Variants in IQGAP2 observed in about 807,000 individuals in gnomAD.
IQGAP2 encodes the protein IQ motif containing GTPase activating protein 2.
A neutral mutation model predicts 201.3 loss-of-function variants in IQGAP2; 173 were observed. The observed-to-expected ratio is 0.86, with a 90% CI of 0.76 to 0.98. IQGAP2 has a LOEUF of 0.98. Ranked by LOEUF, IQGAP2 falls within the 50% of genes least tolerant of loss-of-function variation. The pLI is 0.00. For synonymous variants in IQGAP2, 675 were observed against 673.9 expected, an observed-to-expected ratio of 1.00 and a Z score of -0.03; for missense variants, 1,687 against 1,864.8, an observed-to-expected ratio of 0.90 and a Z score of 1.76.
In IQGAP2 at chr5:76,708,079, A is replaced by G. The variant is rs1748059575; in HGVS notation, c.*766A>G. On this transcript the variant is annotated 3_prime_UTR_variant, in exon 36 of 36. Transcript: ENST00000274364. ...AAATCAGTATCTAGATGGTTTTTAA[A>G]TGTATTCTCTGGAAATTGTTTTATG... is the stretch of plus-strand genomic sequence containing the variant. 1 of 152,046 alleles carries G rather than the reference A, an allele frequency of 6.6e-6. No individual in the cohort carries two copies. Among genetic ancestry groups the G allele is most frequent in the African/African-American group, 2.4e-5 (1 of 41,124 alleles). The allele number at this position is 152,046 out of a possible 1,614,324, so 9.4% of individuals were successfully genotyped here.
intron 30 of IQGAP2, among the ~76,000 whole-genome samples, chr5:76,688,109 C>G (rs1488153383): frequency 1.3e-5 from 2 of 152,132 alleles, no homozygotes; most frequent in African/African-American, 4.8e-5. Context: ...ATTTGTAACT[C>G]AAGCATAAGA....
chr5:76,473,711 G>A (rs1449085713), intron 2 of IQGAP2, among the ~76,000 whole-genome samples: 1 of 152,148 alleles, frequency 6.6e-6, no homozygotes, highest in African/African-American at 2.4e-5. Context: ...GAAAATTTTG[G>A]TGCATCTTTA....
chr5:76,425,644 A>G (rs996211653), intron 1 of IQGAP2, among the ~76,000 whole-genome samples: 5 of 152,304 alleles, frequency 3.3e-5, no homozygotes, highest in African/African-American at 1.2e-4. Flanking sequence ...GCAAAAGAAA[A>G]AAAAACCCAC....
chr5:76,544,399 C>A (rs111332411), intron 2 of IQGAP2, among the ~76,000 whole-genome samples: 2,865 of 152,246 alleles, frequency 0.019, 94 homozygotes, highest in African/African-American at 0.065. Context: ...CAGTTCCCAG[C>A]CGACTTGGGG....
chr5:76,458,522 A>G (rs1754230221), intron 1 of IQGAP2, among the ~76,000 whole-genome samples: 2 of 152,170 alleles, frequency 1.3e-5, no homozygotes, highest in Non-Finnish European at 2.9e-5. Context: ...TAGACTTACA[A>G]TTTGACAGTA....
At chr5:76,678,683 C>T (rs781003902) in intron 28 of IQGAP2, among the ~76,000 whole-genome samples, 1 of 152,164 alleles carries the variant, frequency 6.6e-6, no homozygotes, top group African/African-American at 2.4e-5. Flanking sequence ...TAAGGATGCA[C>T]CCAACTTTGG....
intron 17 of IQGAP2, among the ~76,000 whole-genome samples, chr5:76,648,996 A>G (rs1484612159): frequency 2.0e-5 from 3 of 152,268 alleles, no homozygotes; most frequent in Non-Finnish European, 4.4e-5. Context: ...AGTACTTGAA[A>G]TAAAAGTGGA....
At chr5:76,682,958 A>G (rs1352201006) in intron 28 of IQGAP2, among the ~76,000 whole-genome samples, 157 bp from the exon 29 acceptor site, 1 of 152,208 alleles carries the variant, frequency 6.6e-6, no homozygotes. Flanking sequence ...TCTGAGATAC[A>G]ATAAAAACTG....
chr5:76,461,386 A>C (rs1440367120), intron 1 of IQGAP2, among the ~76,000 whole-genome samples, 184 bp from the exon 2 acceptor site: 2 of 151,852 alleles, frequency 1.3e-5, no homozygotes, highest in African/African-American at 4.8e-5. Flanking sequence ...AAAAAATAAA[A>C]ATAAAGGAAA....
chr5:76,405,207 T>C (rs1017350440), intron 1 of IQGAP2, among the ~76,000 whole-genome samples: 1 of 152,236 alleles, frequency 6.6e-6, no homozygotes, highest in Non-Finnish European at 1.5e-5. Flanking sequence ...TGTCAGTCCC[T>C]GCATGTGCAT....
chr5:76,508,700 GTT>G (rs1039460750), intron 2 of IQGAP2, among the ~76,000 whole-genome samples: 3 of 142,632 alleles, frequency 2.1e-5, no homozygotes. Flanking sequence ...GTTTTGTTTT[GTT>G]TTTTTTTTTT....
At chr5:76,510,573 T>A (rs1316862176) in intron 2 of IQGAP2, 1 of 470,692 alleles carries the variant, frequency 2.1e-6, no homozygotes, top group Non-Finnish European at 4.3e-6. Flanking sequence ...ATGGACACGA[T>A]CTGGAAGGAC....
chr5:76,505,110 C>T (rs563004258), intron 2 of IQGAP2, among the ~76,000 whole-genome samples: 1 of 152,282 alleles, frequency 6.6e-6, no homozygotes, highest in East Asian at 1.9e-4. Context: ...CTGTATGGCA[C>T]CCTCACTAGA....
At chr5:76,582,803 CTAT>C in intron 5 of IQGAP2, among the ~76,000 whole-genome samples, 3 of 152,204 alleles carry the variant, frequency 2.0e-5, no homozygotes, top group Middle Eastern at 6.8e-3. Context: ...ACTACTACTA[CTAT>C]ATACTACTTT....
chr5:76,433,977 C>T (rs1752517440), intron 1 of IQGAP2, among the ~76,000 whole-genome samples: 1 of 152,170 alleles, frequency 6.6e-6, no homozygotes, highest in South Asian at 2.1e-4. Flanking sequence ...TAAATAACAT[C>T]CTTCCAATCA....
At position 76,655,447 on chromosome 5, in the gene IQGAP2, TTTTG is replaced by T. The variant is rs199701667; in HGVS notation, c.2320+452_2320+455del. Reference sequence around the variant, plus strand: ...AACTTTTCACAGAATAATTTTTAATTTTTGTTTGTTTTTGTTTTGAGACAGAGTC... The same window carrying T: ...AACTTTTCACAGAATAATTTTTAATTTTTGTTTTTGTTTTGAGACAGAGTC... On this transcript the variant is annotated intron_variant, in intron 20 of 35. Transcript: ENST00000274364. Among the ~76,000 whole-genome samples the T allele has an allele frequency of 9.5e-3, 1,452 of 152,270 alleles. 22 individuals carry two copies. The highest frequency in any genetic ancestry group is 0.033 in the African/African-American group (1,354 of 41,538).
intron 1 of IQGAP2, among the ~76,000 whole-genome samples, chr5:76,419,589 C>T (rs1376939115): frequency 2.0e-5 from 3 of 152,174 alleles, no homozygotes; most frequent in Non-Finnish European, 2.9e-5. Flanking sequence ...CCCCCCACCT[C>T]GGCCTCCTAA....
At position 76,707,350 on chromosome 5, in the gene IQGAP2, G is replaced by T; in HGVS notation, c.*37G>T. The T allele has an allele frequency of 1.1e-6, 1 of 876,732 alleles. No homozygotes were observed. The highest frequency in any genetic ancestry group is 1.4e-5 in the South Asian group (1 of 71,538). 54.3% of individuals were successfully genotyped at this position (876,732 alleles called of 1,614,324 possible). ...AAATTTCTTGGATTCTGTATCATCTGGATTAGGAAATGAATTTGTTTAATA... is the reference window on the plus strand; with the variant it reads ...AAATTTCTTGGATTCTGTATCATCTTGATTAGGAAATGAATTTGTTTAATA... On this transcript the variant is annotated 3_prime_UTR_variant, in exon 36 of 36. Coordinates refer to ENST00000274364, the MANE Select transcript of IQGAP2 (RefSeq NM_006633.5).
chr5:76,618,020 G>GA (rs763245976), intron 13 of IQGAP2: 12 of 1,614,046 alleles, frequency 7.4e-6, no homozygotes, highest in Non-Finnish European at 1.0e-5. Flanking sequence ...GCTTCAGTAT[G>GA]AAAAATGGCA....
Sources: gnomAD v4.1 joint callset for allele counts (sites outside exome capture counted in the v4.1 genomes callset) on GRCh38, gnomAD v4.1.1 for gene constraint, MANE v1.5 for transcripts, NCBI Gene and HGNC (gene_info 2026-07-23, HGNC 2026-07-21) for gene names.